Variants in NFATC4 observed in about 807,000 individuals in gnomAD.
The protein encoded by NFATC4 is nuclear factor of activated T cells 4, also known as nuclear factor of activated T-cells, cytoplasmic 4.
Under a neutral mutation model 73.4 loss-of-function variants are expected in NFATC4, and 25 were observed. The ratio of observed to expected loss-of-function variants is 0.34; its 90% CI spans 0.25 to 0.48. The LOEUF (loss-of-function observed/expected upper bound fraction) is 0.48, where lower values mean the gene tolerates loss of function less well. NFATC4 is among the 20% of genes least tolerant of loss of function. NFATC4 has a pLI of 0.99. For missense variants in NFATC4, 1,130 were observed against 1,203.7 expected (o/e 0.94, Z 0.91); for synonymous variants, 523 against 510.3 (o/e 1.02, Z -0.34).
In NFATC4 at chr14:24,374,340, C is replaced by G; in HGVS notation, c.1747C>G (p.Gln583Glu). The stretch of plus-strand genomic sequence containing the variant: ...CTGCTCTGCAGCCCAGCGCTCAGCC[C>G]AGGAGCTGCCCCAGGTGGAGGCCTA... ...VPIECSQRSA[Q>E]ELPQVEAYSP... Residue 583 changes from glutamine to glutamate, a missense_variant, in exon 6 of 10, where the codon CAG becomes GAG. Gln to Glu is a conservative substitution (Grantham distance 29). Around this residue, in one of 3 missense-constraint regions of NFATC4, gnomAD observed 155 missense variants for 221.2 expected, o/e 0.70. Transcript: ENST00000250373. 7 of 1,612,624 alleles carry G rather than the reference C, an allele frequency of 4.3e-6. No individual in the cohort carries two copies. The highest frequency in any genetic ancestry group is 5.9e-6 in the Non-Finnish European group (7 of 1,179,308).
In NFATC4 at chr14:24,373,583, T is replaced by A; in HGVS notation, c.1560-112T>A. The A allele has an allele frequency of 6.8e-7, 1 of 1,475,404 alleles. No individual in the cohort carries two copies. Among genetic ancestry groups the A allele is most frequent in the Middle Eastern group, 2.4e-4 (1 of 4,202 alleles). 91.4% of individuals were successfully genotyped at this position (1,475,404 alleles called of 1,614,324 possible). A position where few individuals can be genotyped will look rare whatever the true frequency, so the allele number is the denominator to read the frequency against. On this transcript the variant is annotated intron_variant, in intron 4 of 9. Transcript: ENST00000250373. The surrounding 1 kb of genome is among the most constrained non-coding windows in gnomAD (Gnocchi z 4.7). The stretch of plus-strand genomic sequence containing the variant: ...GGTTAGAAAATAGCCTCCTAGGCAC[T>A]CATCGAAAGTCATTCAAGGCTTTGG...
Position 24,373,358 on chromosome 14 carries a change from A to G in NFATC4, c.1547A>G (p.Asn516Ser), listed in dbSNP as rs754578072. 12 of 1,613,806 alleles carry G rather than the reference A, an allele frequency of 7.4e-6. No homozygotes were observed. In the South Asian group the frequency reaches 9.9e-5, roughly 13 times the overall value. The part of the protein sequence containing the change: ...VLEMTLLPEN[N>S]MAANIDCAGI... ...GAGATGACTCTGCTGCCTGAGAACA[A>G]CATGGCGGCCAAGTAAGTCCCATGC... Residue 516 changes from asparagine (N) to serine (S), a missense_variant, in exon 4 of 10, where the codon AAC becomes AGC. Coordinates refer to ENST00000250373, the MANE Select transcript of NFATC4 (RefSeq NM_004554.5). The surrounding 1 kb of genome is among the most constrained non-coding windows in gnomAD (Gnocchi z 4.7).
At chr14:24,367,686 T>G (rs766233134), upstream of NFATC4, 4 of 1,532,880 alleles carry the variant, frequency 2.6e-6, no homozygotes, top group Non-Finnish European at 3.5e-6. Context: ...CTTTTCCTCT[T>G]CCGAGCAACT....
Position 24,376,394 on chromosome 14 carries a change from GC to G in NFATC4, c.2163del (p.Tyr722ThrfsTer122). 1 of 1,613,162 alleles carries G rather than the reference GC, an allele frequency of 6.2e-7. No homozygotes were observed. Among genetic ancestry groups the G allele is most frequent in the Non-Finnish European group, 8.5e-7 (1 of 1,179,566 alleles). ...GTDMDFSPPR[P>X]PYPSYPHEDP... ...CTGACATGGACTTCTCACCACCCAGGCCCCCCTACCCCTCCTATCCCCATGA... is the reference window on the plus strand; with the variant it reads ...CTGACATGGACTTCTCACCACCCAGGCCCCCTACCCCTCCTATCCCCATGA... On this transcript the variant is annotated frameshift_variant, in exon 9 of 10. Coordinates refer to ENST00000250373, the MANE Select transcript of NFATC4 (RefSeq NM_004554.5). LOFTEE classifies it high-confidence loss of function. This position sits in a 1 kb window ranked among gnomAD's most constrained non-coding sequence, Gnocchi z 5.0.
chr14:24,375,544 C>A, intron 6 of NFATC4, 116 bp from the exon 7 acceptor site: 2 of 1,049,012 alleles, frequency 1.9e-6, no homozygotes, highest in Non-Finnish European at 2.9e-6. Context: ...TGTGTCAGAC[C>A]TTCTAGGGCC....
chr14:24,369,417 GC>G (rs1566461088), intron 1 of NFATC4, 81 bp from the exon 2 acceptor site: 17 of 1,607,020 alleles, frequency 1.1e-5, no homozygotes, highest in Non-Finnish European at 2.5e-6. Context: ...AGGACTTGCG[GC>G]CTGGCCACTC....
intron 7 of NFATC4, 76 bp from the exon 8 acceptor site, chr14:24,375,899 G>A: frequency 1.3e-6 from 2 of 1,596,930 alleles, no homozygotes; most frequent in Non-Finnish European, 1.7e-6. Context: ...CTAGGAGGTG[G>A]AGTCTGGGCC....
chr14:24,367,480 C>A, upstream of NFATC4: 5 of 1,535,550 alleles, frequency 3.3e-6, no homozygotes, highest in Non-Finnish European at 4.4e-6. Flanking sequence ...CTACGCCCAT[C>A]AAGGGCTGTG....
At chr14:24,372,856 C>A (rs1156461748) in intron 3 of NFATC4, 10 of 607,832 alleles carry the variant, frequency 1.6e-5, no homozygotes, top group Non-Finnish European at 2.9e-5. Flanking sequence ...TGGTGGCCCG[C>A]CAGATATGGG....
chr14:24,375,796 G>A lies in NFATC4; in HGVS notation c.1929+81G>A, dbSNP rs1209375901. On this transcript the variant is annotated intron_variant, in intron 7 of 9. Transcript: ENST00000250373. ...TTCTCAGCTGGGTCCTCTTGCTCAG[G>A]GGAGTGGACTTTTCTGGAGGAGGGA... The A allele has an allele frequency of 2.6e-6, 4 of 1,562,208 alleles. No homozygotes were observed. In the Admixed American group the frequency reaches 7.2e-5, roughly 28 times the overall value.
chr14:24,372,920 G>C (rs973472693), intron 3 of NFATC4: 1 of 598,896 alleles, frequency 1.7e-6, no homozygotes, highest in Admixed American at 3.0e-5. Flanking sequence ...TCTCTGTATT[G>C]AGTTGGGCCA....
In NFATC4 at chr14:24,376,121, A is replaced by C; in HGVS notation, c.2056+20A>C. ...TGCCTGGTGCGCTCTGGGACAGCCC[A>C]TGGTGGGGGTATAGGGATATGGGGA... On this transcript the variant is annotated intron_variant, in intron 8 of 9. Transcript: ENST00000250373. This position sits in a 1 kb window ranked among gnomAD's most constrained non-coding sequence, Gnocchi z 5.0. 2 of 1,613,874 alleles carry C rather than the reference A, an allele frequency of 1.2e-6. No individual in the cohort carries two copies. Among genetic ancestry groups the C allele is most frequent in the Non-Finnish European group, 1.7e-6 (2 of 1,179,880 alleles).
upstream of NFATC4, chr14:24,367,302 T>C: frequency 6.4e-7 from 1 of 1,556,742 alleles, no homozygotes; most frequent in Non-Finnish European, 8.7e-7. Flanking sequence ...TTCAGGCCCC[T>C]AGTAAACCTG....
At chr14:24,369,117 C>T in intron 1 of NFATC4, 5 of 1,435,764 alleles carry the variant, frequency 3.5e-6, no homozygotes, top group Non-Finnish European at 9.1e-7. Flanking sequence ...CTGCCAGCGC[C>T]GTTTGGGGGT....
chr14:24,376,480 T>C lies in NFATC4; in HGVS notation c.2243T>C (p.Leu748Pro), dbSNP rs56367620. ...SEGFGYGMPP[L>P]YPQTGPPPSY... The stretch of plus-strand genomic sequence containing the variant: ...GGCTTCGGCTATGGCATGCCCCCTC[T>C]GTACCCCCAGACGGGGCCCCCACCA... Residue 748 changes from leucine to proline, a missense_variant, in exon 9 of 10, where the codon CTG (leucine) becomes CCG (proline). Physicochemically the swap from Leu to Pro is moderately conservative, Grantham distance 98. Coordinates refer to ENST00000250373, the MANE Select transcript of NFATC4 (RefSeq NM_004554.5). This position sits in a 1 kb window ranked among gnomAD's most constrained non-coding sequence, Gnocchi z 5.0. 3,912 of 1,613,700 alleles carry C rather than the reference T, an allele frequency of 2.4e-3. 10 individuals carry two copies. The highest frequency in any genetic ancestry group is 3.4e-3 in the South Asian group (312 of 91,048).
Position 24,373,695 on chromosome 14 carries a change from C to G in NFATC4, c.1560C>G (p.Asn520Lys). The change falls in exon 5 of 10, where the codon AAC becomes AAG. Residue 520 changes from asparagine (N) to lysine (K), a missense_variant and splice_region_variant. Coordinates refer to ENST00000250373, the MANE Select transcript of NFATC4 (RefSeq NM_004554.5). The surrounding 1 kb of genome is among the most constrained non-coding windows in gnomAD (Gnocchi z 4.7). ...TLLPENNMAA[N>K]IDCAGILKLR... ...CTTGCCATCCATCCTTTGCCTCCAG[C>G]ATTGACTGCGCGGGAATCCTGAAGC... is the stretch of plus-strand genomic sequence containing the variant. The G allele has an allele frequency of 6.2e-7, 1 of 1,603,828 alleles. No homozygotes were observed. The highest frequency in any genetic ancestry group is 8.5e-7 in the Non-Finnish European group (1 of 1,173,584).
chr14:24,366,925 T>A, upstream of NFATC4: 2 of 1,529,830 alleles, frequency 1.3e-6, no homozygotes. Context: ...ACGTCTGACC[T>A]GGGGCCGTCG....
Position 24,369,520 on chromosome 14 carries a change from C to CGCCAT in NFATC4, c.125_129dup (p.Cys44HisfsTer52). The CGCCAT allele has an allele frequency of 6.2e-7, 1 of 1,610,162 alleles. No individual in the cohort carries two copies. The highest frequency in any genetic ancestry group is 8.5e-7 in the Non-Finnish European group (1 of 1,177,380). ...ACAGAACTGGACTCAGAGGATGCCC[C>CGCCAT]GCCATGCTGCCGTCTGGCCTTGGGA... On this transcript the variant is annotated frameshift_variant, in exon 2 of 10. Coordinates refer to ENST00000250373, the MANE Select transcript of NFATC4 (RefSeq NM_004554.5). LOFTEE classifies it high-confidence loss of function.
chr14:24,371,426 C>T (rs2042468979), intron 2 of NFATC4, among the ~76,000 whole-genome samples: 1 of 152,194 alleles, frequency 6.6e-6, no homozygotes, highest in Non-Finnish European at 1.5e-5. Context: ...GCTAGTAGCA[C>T]CCACTCCCCT....
Sources: allele counts gnomAD v4.1 joint callset (sites outside exome capture counted in the v4.1 genomes callset), GRCh38; gene constraint gnomAD v4.1.1; regional missense constraint gnomAD v4.1.1; non-coding constraint Gnocchi (gnomAD v3.1); transcripts MANE v1.5; gene names NCBI Gene and HGNC (gene_info 2026-07-23, HGNC 2026-07-21).